Variants in GPR65 observed in about 807,000 individuals in gnomAD.
The protein encoded by GPR65 is G protein-coupled receptor 65.
In GPR65, 2 loss-of-function variants were observed where a neutral mutation model predicts 0.7. The ratio of observed to expected loss-of-function variants is 2.83; its 90% CI spans 1.16 to 8.92. The LOEUF (loss-of-function observed/expected upper bound fraction) is 8.92. Among genes scored for constraint, GPR65 ranks in the 30% most tolerant of loss-of-function variants. The probability of loss-of-function intolerance (pLI) is 0.04; values close to 1 mark genes in which losing one functional copy is unlikely to be tolerated. For missense variants in GPR65, 379 were observed against 399.4 expected, an observed-to-expected ratio of 0.95 and a Z score of 0.43; for synonymous variants, 128 against 146.5, an observed-to-expected ratio of 0.87 and a Z score of 0.91.
chr14:88,010,190 A>G (rs115866237), intron 1 of GPR65, among the ~76,000 whole-genome samples, 199 bp from the exon 2 acceptor site: 5,306 of 152,302 alleles, frequency 0.035, 320 homozygotes, highest in African/African-American at 0.12. Context: ...CTTATTTGAT[A>G]TAAGTAAAAT....
chr14:88,011,474 T>C lies in GPR65; in HGVS notation c.627T>C (p.Ala209=). 5.6e-6 allele frequency: 9 copies of C among 1,614,140 alleles called. No individual in the cohort carries two copies. Among genetic ancestry groups the C allele is most frequent in the Non-Finnish European group, 7.6e-6 (9 of 1,180,002 alleles). Residue 209 remains alanine, a synonymous_variant, in exon 2 of 2, where the codon GCT becomes GCC. Coordinates refer to ENST00000267549, the MANE Select transcript of GPR65 (RefSeq NM_003608.4). ...ILICNRKVYQ[A]VRHNKATENK... ...TCTGCAACCGGAAAGTCTACCAAGC[T>C]GTGCGGCACAATAAAGCCACGGAAA...
chr14:88,010,993 T>G lies in GPR65; in HGVS notation c.146T>G (p.Leu49Arg). 6.2e-7 allele frequency: 1 copy of G among 1,613,630 alleles called. No individual in the cohort carries two copies. Among genetic ancestry groups the G allele is most frequent in the South Asian group, 1.1e-5 (1 of 91,060 alleles). The change falls in exon 2 of 2, where the codon CTA (leucine) becomes CGA (arginine). Residue 49 changes from leucine (L) to arginine (R), a missense_variant. Leu to Arg is a moderately radical substitution (Grantham distance 102). Coordinates refer to ENST00000267549, the MANE Select transcript of GPR65 (RefSeq NM_003608.4). ...SFLQAKKESELGIYLFSLSLS... is the reference protein window; with the variant it reads ...SFLQAKKESERGIYLFSLSLS... ...CTGCAAGCAAAGAAGGAAAGTGAAC[T>G]AGGAATTTACCTCTTCAGTTTGTCA... is the stretch of plus-strand genomic sequence containing the variant.
At chr14:88,006,162 C>G (rs1887591136) in intron 1 of GPR65, among the ~76,000 whole-genome samples, 1 of 152,158 alleles carries the variant, frequency 6.6e-6, no homozygotes, top group Non-Finnish European at 1.5e-5. Flanking sequence ...GGCTAGATGA[C>G]TAAAGATGAT....
At position 88,013,070 on chromosome 14, in the gene GPR65, A is replaced by T. The variant is rs1887713647; in HGVS notation, c.*1209A>T. 1 of 137,074 alleles carries T rather than the reference A, an allele frequency of 7.3e-6. No homozygotes were observed. The highest frequency in any genetic ancestry group is 2.7e-5 in the African/African-American group (1 of 37,022). The allele number at this position is 137,074 out of a possible 1,614,324, so 8.5% of individuals were successfully genotyped here. On this transcript the variant is annotated 3_prime_UTR_variant, in exon 2 of 2. Transcript: ENST00000267549. ...TTCTTTTTTTTTTTTTTTTTGAGTC[A>T]GAGTCTTGCTCTGTAATCCAGGCTA...
rs1468467987 is a variant in GPR65, at chr14:88,011,556, T to G, written c.709T>G (p.Leu237Val). ...TGTCAGCATCACAGTTACTTTTGTC[T>G]TATGCTTTACTCCCTTTCATGTGAT... ...LLVSITVTFV[L>V]CFTPFHVMLL... The change falls in exon 2 of 2, where the codon TTA (leucine) becomes GTA (valine). Residue 237 changes from leucine to valine, a missense_variant. By Grantham distance (32) the Leu-to-Val change is conservative. Coordinates refer to ENST00000267549, the MANE Select transcript of GPR65 (RefSeq NM_003608.4). The G allele has an allele frequency of 6.2e-7, 1 of 1,614,034 alleles. No homozygotes were observed.
At chr14:88,009,475 T>G (rs1373361412) in intron 1 of GPR65, among the ~76,000 whole-genome samples, 1 of 152,174 alleles carries the variant, frequency 6.6e-6, no homozygotes, top group Non-Finnish European at 1.5e-5. Flanking sequence ...TGATGGCAGG[T>G]CTTTTTGTGC....
chr14:88,006,834 G>T (rs1372363), intron 1 of GPR65, among the ~76,000 whole-genome samples: 13,925 of 152,040 alleles, frequency 0.092, 784 homozygotes, highest in African/African-American at 0.14. Flanking sequence ...TTCCTGCATC[G>T]CAGACATTAC....
chr14:88,007,085 C>T, intron 1 of GPR65, among the ~76,000 whole-genome samples: 1 of 152,104 alleles, frequency 6.6e-6, no homozygotes, highest in Non-Finnish European at 1.5e-5. Flanking sequence ...GTCTAAATTC[C>T]ATCCTTCATA....
Position 88,010,653 on chromosome 14 carries a change from T to C in GPR65, c.-195T>C. ...CTGGATTTTTACTTCCAACTGCTGA[T>C]ATCTGTGTAAAAATTGATCTACATC... On this transcript the variant is annotated 5_prime_UTR_variant, in exon 2 of 2. Coordinates refer to ENST00000267549, the MANE Select transcript of GPR65 (RefSeq NM_003608.4). 2 of 540,758 alleles carry C rather than the reference T, an allele frequency of 3.7e-6. No homozygotes were observed. The highest frequency in any genetic ancestry group is 3.0e-5 in the East Asian group (1 of 33,218). The allele number at this position is 540,758 out of a possible 1,614,324, so 33.5% of individuals were successfully genotyped here.
At position 88,011,104 on chromosome 14, in the gene GPR65, T is replaced by C; in HGVS notation, c.257T>C (p.Leu86Ser). The C allele has an allele frequency of 6.2e-7, 1 of 1,614,016 alleles. No individual in the cohort carries two copies. Among genetic ancestry groups the C allele is most frequent in the Non-Finnish European group, 8.5e-7 (1 of 1,179,898 alleles). The change falls in exon 2 of 2, where the codon TTG becomes TCG. Residue 86 changes from leucine to serine, a missense_variant. Leu to Ser is a moderately radical substitution (Grantham distance 145, BLOSUM62 -2). Transcript: ENST00000267549. ...GACAACTGGACTTTCTCTCCTGCCT[T>C]GTGCAAAGGGAGTGCTTTTCTCATG... The part of the protein sequence containing the change: ...NKDNWTFSPA[L>S]CKGSAFLMYM...
chr14:88,006,791 A>G (rs1346246632), intron 1 of GPR65, among the ~76,000 whole-genome samples: 3 of 152,098 alleles, frequency 2.0e-5, no homozygotes, highest in Non-Finnish European at 2.9e-5. Flanking sequence ...TTGTGTGTGC[A>G]TCAGAGTCCC....
chr14:88,006,881 G>C (rs1285303533), intron 1 of GPR65, among the ~76,000 whole-genome samples: 1 of 152,142 alleles, frequency 6.6e-6, no homozygotes, highest in Non-Finnish European at 1.5e-5. Flanking sequence ...ATATCCTTTA[G>C]AAGTTTCTTT....
intron 1 of GPR65, among the ~76,000 whole-genome samples, chr14:88,006,213 C>T (rs1595253047): frequency 6.6e-6 from 1 of 152,166 alleles, no homozygotes; most frequent in Non-Finnish European, 1.5e-5. Context: ...AAGATTGGTG[C>T]AGACTACCAA....
At chr14:88,007,885 C>G (rs936184232) in intron 1 of GPR65, among the ~76,000 whole-genome samples, 1 of 151,388 alleles carries the variant, frequency 6.6e-6, no homozygotes, top group African/African-American at 2.4e-5. Flanking sequence ...TTAAAGAGGA[C>G]TTGTTCAAGG....
intron 1 of GPR65, among the ~76,000 whole-genome samples, chr14:88,010,186 T>G (rs1231336171): frequency 6.6e-6 from 1 of 152,226 alleles, no homozygotes; most frequent in African/African-American, 2.4e-5. Context: ...AGTTCTTATT[T>G]GATATAAGTA....
At chr14:88,009,363 A>G (rs1300935020) in intron 1 of GPR65, among the ~76,000 whole-genome samples, 2 of 152,108 alleles carry the variant, frequency 1.3e-5, no homozygotes, top group African/African-American at 2.4e-5. Context: ...TTTTAGGTTG[A>G]TAAAGCTAAA....
At chr14:88,009,510 G>C (rs937864384) in intron 1 of GPR65, among the ~76,000 whole-genome samples, 1 of 152,092 alleles carries the variant, frequency 6.6e-6, no homozygotes, top group Non-Finnish European at 1.5e-5. Flanking sequence ...CAGTTGGGAG[G>C]GAGTGATTCT....
chr14:88,010,580 C>A lies in GPR65; in HGVS notation c.-268C>A. 1 of 377,406 alleles carries A rather than the reference C, an allele frequency of 2.6e-6. No individual in the cohort carries two copies. The highest frequency in any genetic ancestry group is 4.8e-6 in the Non-Finnish European group (1 of 207,780). 23.4% of individuals were successfully genotyped at this position (377,406 alleles called of 1,614,324 possible). Reference sequence around the variant, plus strand: ...CGTTCTGTGATAATGAACACATGGACTTCTGTTTATTAAATTCAGTTGACC... The same window carrying A: ...CGTTCTGTGATAATGAACACATGGAATTCTGTTTATTAAATTCAGTTGACC... On this transcript the variant is annotated 5_prime_UTR_variant, in exon 2 of 2. Coordinates refer to ENST00000267549, the MANE Select transcript of GPR65 (RefSeq NM_003608.4).
Position 88,011,167 on chromosome 14 carries a change from G to C in GPR65, c.320G>C (p.Cys107Ser). ...TACAGCAGCACAGCATTCCTCACCT[G>C]CATTGCCGTTGATCGGTATTTGGCT... ...NFYSSTAFLT[C>S]IAVDRYLAVV... The change falls in exon 2 of 2, where the codon TGC becomes TCC. Residue 107 changes from cysteine to serine, a missense_variant. Cys to Ser is a moderately radical substitution (Grantham distance 112). Coordinates refer to ENST00000267549, the MANE Select transcript of GPR65 (RefSeq NM_003608.4). 1 of 1,613,594 alleles carries C rather than the reference G, an allele frequency of 6.2e-7. No homozygotes were observed.
Sources: allele counts gnomAD v4.1 joint callset (sites outside exome capture counted in the v4.1 genomes callset), GRCh38; gene constraint gnomAD v4.1.1; transcripts MANE v1.5; gene names NCBI Gene and HGNC (gene_info 2026-07-23, HGNC 2026-07-21).